The following WWOX variants were observed in gnomAD, a reference collection of about 807,000 sequenced individuals.
The protein encoded by WWOX is WW domain containing oxidoreductase, also known as WW domain-containing oxidoreductase.
In WWOX, 69 loss-of-function variants were observed where a neutral mutation model predicts 46.2. That is an observed-to-expected ratio of 1.49 (90% confidence interval 1.23 to 1.82). WWOX has a LOEUF of 1.82. Ranked by LOEUF, WWOX falls within the 40% of genes most tolerant of loss-of-function variation. WWOX has a pLI of 0.00. For synonymous variants in WWOX, 359 were observed against 202.6 expected (o/e 1.77, Z -6.56); for missense variants, 919 against 542.6 (o/e 1.69, Z -6.89).
intron 6 of WWOX, among the ~76,000 whole-genome samples, chr16:78,392,057 T>G (rs1341452775): frequency 6.6e-6 from 1 of 151,838 alleles, no homozygotes; most frequent in Non-Finnish European, 1.5e-5. Context: ...ACCAGGGTGT[T>G]CTCTAGAGCA....
intron 8 of WWOX, among the ~76,000 whole-genome samples, chr16:78,849,147 C>T (rs1043285686): frequency 6.6e-6 from 1 of 152,132 alleles, no homozygotes; most frequent in Non-Finnish European, 1.5e-5. Flanking sequence ...CTGTGTACCC[C>T]TCCTAGTTTG....
At chr16:78,129,005 G>GAGA (rs943751497) in intron 4 of WWOX, among the ~76,000 whole-genome samples, 4 of 151,518 alleles carry the variant, frequency 2.6e-5, no homozygotes, top group African/African-American at 9.8e-5. Flanking sequence ...TGACAAGGTA[G>GAGA]AGAGCTCTGT....
chr16:79,006,988 C>G (rs12598700), intron 8 of WWOX, among the ~76,000 whole-genome samples: 1 of 152,000 alleles, frequency 6.6e-6, no homozygotes, highest in African/African-American at 2.4e-5. Context: ...TTCCCTTTGT[C>G]GCGTAACCTA....
rs541225697 is a variant in WWOX, at chr16:78,374,527, A to ATTTTTTTT, written c.517-12301_517-12294dup. Among the ~76,000 whole-genome samples, 45 of 70,898 alleles carry ATTTTTTTT rather than the reference A, an allele frequency of 6.3e-4. 1 individual carries two copies. The highest frequency in any genetic ancestry group is 9.8e-4 in the Non-Finnish European group (38 of 38,870). The allele number at this position is 70,898 out of a possible 152,430, so 46.5% of individuals were successfully genotyped here. On this transcript the variant is annotated intron_variant, in intron 5 of 8. Transcript: ENST00000566780. ...GAGTCCTCAACTTTTTCTGTCTTGA[A>ATTTTTTTT]TTTTTTTTTTTTTTTTTTTTTTTTT...
At chr16:79,122,418 A>C (rs73576984) in intron 8 of WWOX, among the ~76,000 whole-genome samples, 1,594 of 152,222 alleles carry the variant, frequency 0.01, 21 homozygotes, top group African/African-American at 0.036. Context: ...GGAGTGTGGA[A>C]AAGGTGTGGG....
At chr16:79,197,849 G>C (rs2051270519) in intron 8 of WWOX, among the ~76,000 whole-genome samples, 1 of 152,148 alleles carries the variant, frequency 6.6e-6, no homozygotes, top group Non-Finnish European at 1.5e-5. Flanking sequence ...CAGGACTCCA[G>C]GGATCTTGTG....
intron 5 of WWOX, among the ~76,000 whole-genome samples, chr16:78,359,014 C>A (rs1476759351): frequency 6.6e-6 from 1 of 151,926 alleles, no homozygotes; most frequent in Non-Finnish European, 1.5e-5. Context: ...ATTCTGTTTT[C>A]CATTTTTTCA....
chr16:79,025,515 C>G (rs1298012307), intron 8 of WWOX, among the ~76,000 whole-genome samples: 1 of 151,928 alleles, frequency 6.6e-6, no homozygotes, highest in Non-Finnish European at 1.5e-5. Context: ...CGGAGTGATT[C>G]CCCCACAAGC....
rs564244236 is a variant in WWOX at position 78,226,956 on chromosome 16, C to T, written c.516+62667C>T. ...CAAAGAGGTGTTTCTTTTGACACAGCAGGCATGTGAAAAAATAAGCAAAAA... is the reference window on the plus strand; with the variant it reads ...CAAAGAGGTGTTTCTTTTGACACAGTAGGCATGTGAAAAAATAAGCAAAAA... On this transcript the variant is annotated intron_variant, in intron 5 of 8. Coordinates refer to ENST00000566780, the MANE Select transcript of WWOX (RefSeq NM_016373.4). Among the ~76,000 whole-genome samples the T allele has an allele frequency of 8.5e-5, 13 of 152,260 alleles. No homozygotes were observed. The East Asian group carries it at 1.9e-3, about 23-fold the overall frequency.
chr16:78,998,172 C>T (rs1197843823), intron 8 of WWOX, among the ~76,000 whole-genome samples: 5 of 152,120 alleles, frequency 3.3e-5, no homozygotes, highest in South Asian at 4.1e-4. Flanking sequence ...CCATCGCGCC[C>T]GGCCTAGCCT....
chr16:78,790,017 G>A (rs1286734257), intron 8 of WWOX, among the ~76,000 whole-genome samples: 1 of 152,096 alleles, frequency 6.6e-6, no homozygotes, highest in Non-Finnish European at 1.5e-5. Context: ...TTCCTTATTG[G>A]ACACTCAAGA....
chr16:79,003,547 G>A (rs1009642118), intron 8 of WWOX, among the ~76,000 whole-genome samples: 1 of 152,208 alleles, frequency 6.6e-6, no homozygotes, highest in Non-Finnish European at 1.5e-5. Context: ...TCCTCTTGCA[G>A]TGGCTGTTGA....
intron 5 of WWOX, among the ~76,000 whole-genome samples, chr16:78,173,899 T>C (rs1035744941): frequency 1.3e-5 from 2 of 152,170 alleles, no homozygotes; most frequent in African/African-American, 4.8e-5. Flanking sequence ...TCCCTCTTTC[T>C]GGTTTTTAAG....
At chr16:78,117,477 A>G (rs1238363118) in intron 4 of WWOX, among the ~76,000 whole-genome samples, 1 of 151,960 alleles carries the variant, frequency 6.6e-6, no homozygotes, top group Non-Finnish European at 1.5e-5. Context: ...GTTCCAGGCA[A>G]TCAAAAACTC....
chr16:78,758,211 C>G (rs1185307924), intron 8 of WWOX, among the ~76,000 whole-genome samples: 2 of 152,082 alleles, frequency 1.3e-5, no homozygotes, highest in African/African-American at 2.4e-5. Flanking sequence ...TGAAGATAAA[C>G]CTATATACAA....
At chr16:78,581,855 G>T (rs2045064565) in intron 8 of WWOX, among the ~76,000 whole-genome samples, 2 of 152,050 alleles carry the variant, frequency 1.3e-5, no homozygotes, top group Admixed American at 1.3e-4. Flanking sequence ...ATAAAGTTTT[G>T]CTTATCGGGT....
intron 8 of WWOX, among the ~76,000 whole-genome samples, chr16:79,088,595 G>A (rs1597363917): frequency 6.6e-6 from 1 of 152,114 alleles, no homozygotes; most frequent in East Asian, 1.9e-4. Flanking sequence ...ACTAAAAGAG[G>A]TTTTCTAGAC....
At chr16:78,562,042 T>G (rs973015921) in intron 8 of WWOX, among the ~76,000 whole-genome samples, 5 of 152,236 alleles carry the variant, frequency 3.3e-5, no homozygotes, top group African/African-American at 1.2e-4. Context: ...GTCTTTGTTT[T>G]TAGCCCCGTG....
At chr16:78,452,719 G>T (rs1420325710) in intron 8 of WWOX, among the ~76,000 whole-genome samples, 1 of 151,600 alleles carries the variant, frequency 6.6e-6, no homozygotes, top group African/African-American at 2.4e-5. Context: ...CCATGTGATC[G>T]GCCTGCCTTG....
Sources: gnomAD v4.1 joint callset for allele counts (sites outside exome capture counted in the v4.1 genomes callset) on GRCh38, gnomAD v4.1.1 for gene constraint, MANE v1.5 for transcripts, NCBI Gene and HGNC (gene_info 2026-07-23, HGNC 2026-07-21) for gene names.